VSIG10L: variants seen among roughly 807,000 people sequenced by gnomAD.
VSIG10L encodes the protein V-set and immunoglobulin domain containing 10 like.
In VSIG10L, 63 loss-of-function variants were observed where a neutral mutation model predicts 67.3. The ratio of observed to expected loss-of-function variants is 0.94; its 90% CI spans 0.76 to 1.15. The LOEUF (loss-of-function observed/expected upper bound fraction) is 1.15, where lower values mean the gene tolerates loss of function less well. Among genes scored for constraint, VSIG10L ranks in the 50% most tolerant of loss-of-function variants. The pLI is 0.00. For synonymous variants in VSIG10L, 499 were observed against 524.9 expected (o/e 0.95, Z 0.67); for missense variants, 1,050 against 1,177.5 (o/e 0.89, Z 1.58).
In VSIG10L at chr19:51,340,562, G is replaced by A. The variant is rs1029261552; in HGVS notation, c.1060C>T (p.Pro354Ser). ...TGGTCGCCCTCTGAGCGCATCCGGG[G>A]CGTCTCGGCTCCCTCCGATTCCGCC... is the stretch of plus-strand genomic sequence containing the variant. ...EAAESEGAET[P>S]RMRSEGDQLL... Residue 354 changes from proline (P) to serine (S), a missense_variant, in exon 3 of 10, where the codon CCC becomes TCC. This residue lies in a region of VSIG10L where 511 missense variants were observed against 557.9 expected (regional missense o/e 0.92). Transcript: ENST00000335624. The surrounding 1 kb of genome is among the most constrained non-coding windows in gnomAD (Gnocchi z 6.3). The A allele has an allele frequency of 1.3e-6, 2 of 1,535,652 alleles. No homozygotes were observed. The highest frequency in any genetic ancestry group is 2.7e-5 in the African/African-American group (2 of 72,990).
At chr19:51,338,803 C>A (rs1165042060) in intron 5 of VSIG10L, 85 bp downstream of exon 5, 2 of 1,321,566 alleles carry the variant, frequency 1.5e-6, no homozygotes, top group East Asian at 3.1e-5. Context: ...GGACGTACCC[C>A]ATACCCCTTC....
At chr19:51,339,905 A>C (rs1231216932) in intron 4 of VSIG10L, 110 bp downstream of exon 4, 492 of 661,286 alleles carry the variant, frequency 7.4e-4, no homozygotes, top group East Asian at 4.6e-3. Context: ...TGCCCCACCC[A>C]CCGGTATGCT....
chr19:51,337,942 T>A lies in VSIG10L; in HGVS notation c.1996A>T (p.Ile666Phe), dbSNP rs752429470. Residue 666 changes from isoleucine to phenylalanine, a missense_variant, in exon 6 of 10, where the codon ATC becomes TTC. Physicochemically the swap from Ile to Phe is conservative, Grantham distance 21. Coordinates refer to ENST00000335624, the MANE Select transcript of VSIG10L (RefSeq NM_001163922.3). ...SGALGAGGDQITLIGPSISSW... is the reference protein window; with the variant it reads ...SGALGAGGDQFTLIGPSISSW... Reference sequence around the variant, plus strand: ...TAACGTGGCTCACCAATGAGGGTGATCTGGTCACCGCCAGCACCCAGCGCC... The same window carrying A: ...TAACGTGGCTCACCAATGAGGGTGAACTGGTCACCGCCAGCACCCAGCGCC... The A allele has an allele frequency of 4.9e-5, 75 of 1,546,388 alleles. No homozygotes were observed. Among genetic ancestry groups the A allele is most frequent in the Admixed American group, 1.0e-4 (5 of 49,994 alleles).
chr19:51,338,240 CA>C, intron 5 of VSIG10L, 32 bp from the exon 6 acceptor site: 1 of 1,450,850 alleles, frequency 6.9e-7, no homozygotes, highest in Non-Finnish European at 9.1e-7. Context: ...TTAAGAAAGT[CA>C]AGACCTTACC....
rs1985378154 is a variant in VSIG10L, at chr19:51,332,359, CAGTT to C, written c.*248_*251del. On this transcript the variant is annotated 3_prime_UTR_variant, in exon 10 of 10. Coordinates refer to ENST00000335624, the MANE Select transcript of VSIG10L (RefSeq NM_001163922.3). ...AGGCTTGGAGGTTGTGCAAACCACACAGTTAGATCAGCAAGAGTTTCCCAGCCAA... is the reference window on the plus strand; with the variant it reads ...AGGCTTGGAGGTTGTGCAAACCACACAGATCAGCAAGAGTTTCCCAGCCAA... 1.7e-6 allele frequency: 1 copy of C among 577,484 alleles called. No homozygotes were observed. Among genetic ancestry groups the C allele is most frequent in the Non-Finnish European group, 3.2e-6 (1 of 316,450 alleles). The allele number at this position is 577,484 out of a possible 1,614,324, so 35.8% of individuals were successfully genotyped here.
chr19:51,332,659 G>T lies in VSIG10L; in HGVS notation c.2575-19C>A. ...TCTGTGCCTGGAAGAGAGAGGTGGG[G>T]TGAGGGGAGAACTCAGTAGGTACTC... On this transcript the variant is annotated intron_variant, in intron 9 of 9. Transcript: ENST00000335624. The T allele has an allele frequency of 6.4e-7, 1 of 1,550,618 alleles. No individual in the cohort carries two copies. Among genetic ancestry groups the T allele is most frequent in the East Asian group, 2.4e-5 (1 of 40,886 alleles).
chr19:51,341,884 A>G lies in VSIG10L; in HGVS notation c.164T>C (p.Ile55Thr). The G allele has an allele frequency of 1.3e-6, 2 of 1,551,676 alleles. No homozygotes were observed. The highest frequency in any genetic ancestry group is 1.7e-6 in the Non-Finnish European group (2 of 1,146,984). Residue 55 changes from isoleucine (I) to threonine (T), a missense_variant, in exon 2 of 10, where the codon ATC (isoleucine) becomes ACC (threonine). Ile to Thr is a moderately conservative substitution (Grantham distance 89). Coordinates refer to ENST00000335624, the MANE Select transcript of VSIG10L (RefSeq NM_001163922.3). The part of the protein sequence containing the change: ...SQGLGVEVPS[I>T]KPPSWKVPDQ... Reference sequence around the variant, plus strand: ...TGGAACTTTCCAGCTGGGAGGTTTGATGGAGGGAACTTCCACACCCAGCCC... The same window carrying G: ...TGGAACTTTCCAGCTGGGAGGTTTGGTGGAGGGAACTTCCACACCCAGCCC...
At chr19:51,337,027 A>G (rs905319919) in intron 7 of VSIG10L, among the ~76,000 whole-genome samples, 3 of 152,116 alleles carry the variant, frequency 2.0e-5, no homozygotes, top group Non-Finnish European at 2.9e-5. Context: ...TGGCCTCCCA[A>G]AGTGCTGGGA....
At position 51,341,857 on chromosome 19, in the gene VSIG10L, T is replaced by A. The variant is rs767518537; in HGVS notation, c.191A>T (p.Asp64Val). 2.6e-6 allele frequency: 4 copies of A among 1,551,610 alleles called. No individual in the cohort carries two copies. Among genetic ancestry groups the A allele is most frequent in the Non-Finnish European group, 2.6e-6 (3 of 1,146,962 alleles). Reference sequence around the variant, plus strand: ...AGAGGCTTTTGAATCCAGGAACTGATCTGGAACTTTCCAGCTGGGAGGTTT... The same window carrying A: ...AGAGGCTTTTGAATCCAGGAACTGAACTGGAACTTTCCAGCTGGGAGGTTT... ...SIKPPSWKVPDQFLDSKASAG... is the reference protein window; with the variant it reads ...SIKPPSWKVPVQFLDSKASAG... The change falls in exon 2 of 10, where the codon GAT (aspartate) becomes GTT (valine). Residue 64 changes from aspartate to valine, a missense_variant. Transcript: ENST00000335624.
rs1451061595 is a variant in VSIG10L, at chr19:51,341,282, G to A, written c.766C>T (p.Arg256Ter). The A allele has an allele frequency of 1.3e-6, 2 of 1,548,860 alleles. No homozygotes were observed. Among genetic ancestry groups the A allele is most frequent in the South Asian group, 1.2e-5 (1 of 84,056 alleles). The change falls in exon 2 of 10, where the codon CGA (arginine) becomes TGA (stop). Residue 256 changes from arginine (R) to a stop codon, truncating the protein, a stop_gained. Transcript: ENST00000335624. LOFTEE classifies it high-confidence loss of function. ...AGAACCCCCCGGGCCTGGTCAAATC[G>A]CAGGTGGTCTCGGTGAGCAGGGTCC... ...SLDPAHRDHL[R>*]FDQARGVLEL... is the part of the protein sequence containing the mutation.
At chr19:51,332,831 T>C (rs1054796152) in intron 9 of VSIG10L, among the ~76,000 whole-genome samples, 191 bp from the exon 10 acceptor site, 1 of 151,862 alleles carries the variant, frequency 6.6e-6, no homozygotes, top group Non-Finnish European at 1.5e-5. Flanking sequence ...CCCAACCCAG[T>C]TGTTATTTTT....
Position 51,340,126 on chromosome 19 carries a change from GCGA to G in VSIG10L, c.1360_1362del (p.Ser454del). On this transcript the variant is annotated inframe_deletion, in exon 4 of 10. Transcript: ENST00000335624. The surrounding 1 kb of genome is among the most constrained non-coding windows in gnomAD (Gnocchi z 6.3). ...GGTCCGACCGCGGGCAGCAGGAGGC[GCGA>G]CCCCGCGGGCACCGCGGCCTCGGCC... 1 of 1,305,780 alleles carries G rather than the reference GCGA, an allele frequency of 7.7e-7. No homozygotes were observed. The highest frequency in any genetic ancestry group is 9.7e-7 in the Non-Finnish European group (1 of 1,032,728). The allele number at this position is 1,305,780 out of a possible 1,614,324, so 80.9% of individuals were successfully genotyped here.
chr19:51,333,887 TG>T lies in VSIG10L; in HGVS notation c.2477del (p.Ser826Ter). ...GGGTCACACTATGCATCTTCTTTTC[TG>T]AGGGGGTGACCACGGGGACCAAGGT... Reference protein sequence around the residue: ...PSTLVPVVTPSEKKMHSVTPV... With the variant: ...PSTLVPVVTPXEKKMHSVTPV... On this transcript the variant is annotated frameshift_variant, in exon 9 of 10. Coordinates refer to ENST00000335624, the MANE Select transcript of VSIG10L (RefSeq NM_001163922.3). LOFTEE classifies it high-confidence loss of function. 16 of 1,551,698 alleles carry T rather than the reference TG, an allele frequency of 1.0e-5. No homozygotes were observed. The highest frequency in any genetic ancestry group is 1.4e-5 in the Non-Finnish European group (16 of 1,146,988).
intron 6 of VSIG10L, among the ~76,000 whole-genome samples, 195 bp from the exon 7 acceptor site, chr19:51,337,729 A>G (rs1985519964): frequency 1.1e-5 from 1 of 90,694 alleles, no homozygotes; most frequent in Non-Finnish European, 2.3e-5. Flanking sequence ...CCTGGGTCTG[A>G]GGGAAGAGGG....
Position 51,340,439 on chromosome 19 carries a change from C to A in VSIG10L, c.1183G>T (p.Val395Phe). ...GHREAAADVS[V>F]FYGPDPPTIT... ...CGAGGCATCCCCCACTCACAGAAGA[C>A]GCTGACGTCGGCGGCAGCCTCCCTG... The change falls in exon 3 of 10, where the codon GTC (valine) becomes TTC (phenylalanine). Residue 395 changes from valine to phenylalanine, a missense_variant. Val to Phe is a conservative substitution (Grantham distance 50). Around this residue, in one of 3 missense-constraint regions of VSIG10L, gnomAD observed 511 missense variants for 557.9 expected, o/e 0.92. Transcript: ENST00000335624. This position sits in a 1 kb window ranked among gnomAD's most constrained non-coding sequence, Gnocchi z 6.3. 6.7e-7 allele frequency: 1 copy of A among 1,486,020 alleles called. No homozygotes were observed. The highest frequency in any genetic ancestry group is 1.3e-5 in the South Asian group (1 of 78,666). 92.1% of individuals were successfully genotyped at this position (1,486,020 alleles called of 1,614,324 possible).
chr19:51,338,630 A>G (rs773372093), intron 5 of VSIG10L, among the ~76,000 whole-genome samples: 1 of 152,168 alleles, frequency 6.6e-6, no homozygotes, highest in Non-Finnish European at 1.5e-5. Flanking sequence ...ACTTTTTAAA[A>G]TATCACTGCT....
intron 5 of VSIG10L, among the ~76,000 whole-genome samples, chr19:51,338,467 C>T (rs950974800): frequency 1.1e-4 from 17 of 152,132 alleles, no homozygotes; most frequent in Non-Finnish European, 4.4e-5. Flanking sequence ...TTCAGCTATT[C>T]TTTCTTCTTT....
chr19:51,334,216 G>A lies in VSIG10L; in HGVS notation c.2394C>T (p.Cys798=), dbSNP rs967594184. 2 of 1,551,872 alleles carry A rather than the reference G, an allele frequency of 1.3e-6. No homozygotes were observed. Among genetic ancestry groups the A allele is most frequent in the Admixed American group, 2.0e-5 (1 of 51,012 alleles). The change falls in exon 8 of 10, where the codon TGC becomes TGT. Residue 798 remains cysteine (C), a synonymous_variant. Transcript: ENST00000335624. ...LALLAVLLLL[C]ICCLCRFRGK... ...CACGAAAGCGGCACAGGCAGCAGAT[G>A]CAAAGGAGGAGAAGTACGGCTAGCA... is the stretch of plus-strand genomic sequence containing the variant.
At position 51,338,121 on chromosome 19, in the gene VSIG10L, G is replaced by C. The variant is rs892325151; in HGVS notation, c.1817C>G (p.Pro606Arg). 14 of 1,548,926 alleles carry C rather than the reference G, an allele frequency of 9.0e-6. No homozygotes were observed. Among genetic ancestry groups the C allele is most frequent in the Non-Finnish European group, 1.1e-5 (13 of 1,145,798 alleles). The change falls in exon 6 of 10, where the codon CCC (proline) becomes CGC (arginine). Residue 606 changes from proline (P) to arginine (R), a missense_variant. Physicochemically the swap from Pro to Arg is moderately radical, Grantham distance 103. Around this residue, in one of 3 missense-constraint regions of VSIG10L, gnomAD observed 529 missense variants for 584.9 expected, o/e 0.90. Coordinates refer to ENST00000335624, the MANE Select transcript of VSIG10L (RefSeq NM_001163922.3). ...GGCCCAGGATGCCCGTGAGGGTGGG[G>C]GACAACCAGAGGCCTCCAGTGCCAC... ...AEVALEASGC[P>R]PPSRASWARE...
Sources: gnomAD v4.1 joint callset for allele counts (sites outside exome capture counted in the v4.1 genomes callset) on GRCh38, gnomAD v4.1.1 for gene constraint, gnomAD v4.1.1 regional missense constraint, Gnocchi (gnomAD v3.1) non-coding constraint, MANE v1.5 for transcripts, NCBI Gene and HGNC (gene_info 2026-07-23, HGNC 2026-07-21) for gene names.